Variants in HDGFL3 observed in about 807,000 individuals in gnomAD.
HDGFL3 encodes hepatoma-derived growth factor-related protein 3.
A neutral mutation model predicts 27.6 loss-of-function variants in HDGFL3; 6 were observed. The observed-to-expected ratio is 0.22, with a 90% confidence interval of 0.12 to 0.43. HDGFL3 has a LOEUF of 0.43. HDGFL3 is among the 20% of genes least tolerant of loss of function. The pLI, the probability that HDGFL3 is intolerant of heterozygous loss-of-function variation, is 1.00. For synonymous variants in HDGFL3, 88 were observed against 88.9 expected (o/e 0.99, Z 0.05); for missense variants, 207 against 250.1 (o/e 0.83, Z 1.16).
chr15:83,163,550 A>G (rs2037127170), intron 2 of HDGFL3, among the ~76,000 whole-genome samples: 1 of 152,216 alleles, frequency 6.6e-6, no homozygotes, highest in South Asian at 2.1e-4. Context: ...GTACACCAAC[A>G]AATACAGTTA....
chr15:83,113,879 C>G (rs956520335), exon 4 of HDGFL3: 1 of 152,252 alleles, frequency 6.6e-6, no homozygotes, highest in Non-Finnish European at 1.5e-5. Flanking sequence ...TAGGGCCAAG[C>G]CCATCAGCAA....
rs142889722 is a variant in HDGFL3 at position 83,195,885 on chromosome 15, G to A, written c.84+11446C>T. On this transcript the variant is annotated intron_variant, in intron 1 of 5. Coordinates refer to ENST00000299633, the MANE Select transcript of HDGFL3 (RefSeq NM_016073.4). ...TAAAATTCTGGATAAAGATGTATTAGTGAAATAAAAGCAAAAATGAAAACA... is the reference window on the plus strand; with the variant it reads ...TAAAATTCTGGATAAAGATGTATTAATGAAATAAAAGCAAAAATGAAAACA... Among the ~76,000 whole-genome samples the A allele has an allele frequency of 4.0e-3, 615 of 152,070 alleles. 19 individuals are homozygous for A. Among genetic ancestry groups the A allele is most frequent in the Admixed American group, 0.036 (549 of 15,282 alleles).
At chr15:83,122,948 G>C (rs1596500364), downstream of HDGFL3, 1 of 1,569,974 alleles carries the variant, frequency 6.4e-7, no homozygotes, top group East Asian at 2.2e-5. Context: ...ACTGGCCACT[G>C]AATTGAACCA....
At chr15:83,157,346 G>A in intron 4 of HDGFL3, 69 bp downstream of exon 4, 3 of 1,450,932 alleles carry the variant, frequency 2.1e-6, no homozygotes, top group Non-Finnish European at 2.9e-6. Context: ...TAAACACATG[G>A]AAAATAATCT....
intron 3 of HDGFL3, among the ~76,000 whole-genome samples, chr15:83,116,690 C>T (rs951345903): frequency 1.3e-5 from 2 of 152,088 alleles, no homozygotes; most frequent in Non-Finnish European, 2.9e-5. Context: ...AGTCAGGAGG[C>T]TTCCTCGGGA....
intron 1 of HDGFL3, among the ~76,000 whole-genome samples, chr15:83,167,113 T>C (rs919387868): frequency 2.0e-5 from 3 of 152,240 alleles, no homozygotes; most frequent in African/African-American, 7.2e-5. Context: ...ATCTGTCACC[T>C]GTCTTCCAGA....
At chr15:83,196,427 T>A (rs1437707009) in intron 1 of HDGFL3, among the ~76,000 whole-genome samples, 1 of 152,030 alleles carries the variant, frequency 6.6e-6, no homozygotes, top group Non-Finnish European at 1.5e-5. Flanking sequence ...AAGCATTACA[T>A]ACAAACTCTT....
At chr15:83,196,566 A>G (rs1177117623) in intron 1 of HDGFL3, among the ~76,000 whole-genome samples, 1 of 152,148 alleles carries the variant, frequency 6.6e-6, no homozygotes, top group Non-Finnish European at 1.5e-5. Context: ...ATGAAGCCAA[A>G]TATGACCTGA....
chr15:83,119,654 T>C (rs2151356359), intron 3 of HDGFL3: 1 of 1,614,210 alleles, frequency 6.2e-7, no homozygotes, highest in Non-Finnish European at 8.5e-7. Context: ...CTGATGTACC[T>C]GGTGATGGTG....
At chr15:83,173,759 A>C (rs909216995) in intron 1 of HDGFL3, among the ~76,000 whole-genome samples, 5 of 152,212 alleles carry the variant, frequency 3.3e-5, no homozygotes, top group African/African-American at 1.2e-4. Context: ...ATGAAATTAC[A>C]AACATCTACA....
chr15:83,204,642 AT>A (rs1234401013), intron 1 of HDGFL3, among the ~76,000 whole-genome samples: 1 of 152,244 alleles, frequency 6.6e-6, no homozygotes, highest in Non-Finnish European at 1.5e-5. Context: ...GTTGACAATA[AT>A]TTAAAATAGT....
rs571484469 is a variant in HDGFL3, at chr15:83,172,925, TGAG to T, written c.85-8853_85-8851del. ...TTGGTAGTCTTCACAATGAGTAGAC[TGAG>T]GAGGAGGAGTAAAAGAAGGGGTTGT... On this transcript the variant is annotated intron_variant, in intron 1 of 5. Coordinates refer to ENST00000299633, the MANE Select transcript of HDGFL3 (RefSeq NM_016073.4). Among the ~76,000 whole-genome samples, 407 of 152,084 alleles carry T rather than the reference TGAG, an allele frequency of 2.7e-3. 4 individuals carry two copies. Among genetic ancestry groups the T allele is most frequent in the African/African-American group, 9.3e-3 (385 of 41,468 alleles).
At chr15:83,167,419 G>A (rs1171747296) in intron 1 of HDGFL3, among the ~76,000 whole-genome samples, 3 of 152,220 alleles carry the variant, frequency 2.0e-5, no homozygotes, top group African/African-American at 4.8e-5. Flanking sequence ...TTAGCTGGGC[G>A]TGGTGGCGGA....
chr15:83,174,162 C>T (rs149389176), intron 1 of HDGFL3, among the ~76,000 whole-genome samples: 225 of 152,268 alleles, frequency 1.5e-3, no homozygotes, highest in African/African-American at 5.1e-3. Context: ...AGATTTCCTT[C>T]AAGTCCTGAA....
chr15:83,137,870 G>C lies in HDGFL3; in HGVS notation c.*1400C>G, dbSNP rs368589152. 25 of 152,084 alleles carry C rather than the reference G, an allele frequency of 1.6e-4. No homozygotes were observed. Among genetic ancestry groups the C allele is most frequent in the African/African-American group, 5.1e-4 (21 of 41,522 alleles). The allele number at this position is 152,084 out of a possible 1,614,324, so 9.4% of individuals were successfully genotyped here. On this transcript the variant is annotated 3_prime_UTR_variant, in exon 6 of 6. Transcript: ENST00000299633. ...AAAAGAAAATGGGATACAAATCAAT[G>C]CATGGATAATATCAAATTACAAAAT...
chr15:83,126,824 C>A (rs749072178), downstream of HDGFL3: 1 of 1,613,514 alleles, frequency 6.2e-7, no homozygotes, highest in Non-Finnish European at 8.5e-7. Flanking sequence ...TCTAAAGGAT[C>A]CTGCTGCTTA....
chr15:83,202,766 T>C (rs2037664179), intron 1 of HDGFL3, among the ~76,000 whole-genome samples: 1 of 152,124 alleles, frequency 6.6e-6, no homozygotes, highest in Non-Finnish European at 1.5e-5. Context: ...ACAGGGAACA[T>C]TTCCAGTGCC....
rs938944130 is a variant in HDGFL3, at chr15:83,207,776, G to C, written c.-362C>G. The C allele has an allele frequency of 6.7e-6, 1 of 150,140 alleles. No homozygotes were observed. Among genetic ancestry groups the C allele is most frequent in the African/African-American group, 2.4e-5 (1 of 40,992 alleles). The allele number at this position is 150,140 out of a possible 1,614,324, so 9.3% of individuals were successfully genotyped here. On this transcript the variant is annotated 5_prime_UTR_variant, in exon 1 of 6. Transcript: ENST00000299633. This position sits in a 1 kb window ranked among gnomAD's most constrained non-coding sequence, Gnocchi z 4.8. ...CTGCCGGTCTCCCTCCCGGGCTCCC[G>C]GGCGCGGCGCGAGCGCCGGGCCTCG...
rs1289808637 is a variant in HDGFL3 at position 83,137,358 on chromosome 15, T to A, written c.*1912A>T. 6.6e-6 allele frequency: 1 copy of A among 152,144 alleles called. No homozygotes were observed. The highest frequency in any genetic ancestry group is 2.4e-5 in the African/African-American group (1 of 41,456). 9.4% of individuals were successfully genotyped at this position (152,144 alleles called of 1,614,324 possible). A position where few individuals can be genotyped will look rare whatever the true frequency, so the allele number is the denominator to read the frequency against. On this transcript the variant is annotated 3_prime_UTR_variant, in exon 6 of 6. Coordinates refer to ENST00000299633, the MANE Select transcript of HDGFL3 (RefSeq NM_016073.4). ...TTTAATAAAATTATTTTTGGCCTCT[T>A]ATAAAGACAAATCTTATTAAATTTG...
Sources: allele counts gnomAD v4.1 joint callset (sites outside exome capture counted in the v4.1 genomes callset), GRCh38; gene constraint gnomAD v4.1.1; non-coding constraint Gnocchi (gnomAD v3.1); transcripts MANE v1.5; gene names NCBI Gene and HGNC (gene_info 2026-07-23, HGNC 2026-07-21).